Variants in GABRA4 observed in about 807,000 individuals in gnomAD.
GABRA4 encodes gamma-aminobutyric acid receptor subunit alpha-4.
In GABRA4, 12 loss-of-function variants were observed where a neutral mutation model predicts 49.7. The observed-to-expected ratio is 0.24, with a 90% CI of 0.15 to 0.39. The LOEUF is 0.39. GABRA4 is among the 10% of genes least tolerant of loss of function. GABRA4 has a pLI of 1.00. For missense variants in GABRA4, 506 were observed against 686.0 expected (o/e 0.74, Z 2.93); for synonymous variants, 288 against 240.2 (o/e 1.20, Z -1.84).
chr4:46,934,807 C>T (rs917173555), intron 8 of GABRA4, among the ~76,000 whole-genome samples: 2 of 152,102 alleles, frequency 1.3e-5, no homozygotes, highest in Admixed American at 6.6e-5. Context: ...ATGGTAGACA[C>T]ATGGCTCCAA....
intron 2 of GABRA4, among the ~76,000 whole-genome samples, chr4:46,991,603 G>C (rs114533777): frequency 5.9e-5 from 9 of 152,130 alleles, no homozygotes; most frequent in Non-Finnish European, 1.3e-4. Flanking sequence ...TCTAATATTA[G>C]ATGATACTCA....
chr4:46,973,713 G>T (rs1231892795), intron 6 of GABRA4, among the ~76,000 whole-genome samples: 1 of 151,640 alleles, frequency 6.6e-6, no homozygotes, highest in African/African-American at 2.4e-5. Context: ...AGAAAAGAGA[G>T]ACCAAGAATC....
chr4:46,984,898 A>G (rs1391879790), intron 2 of GABRA4, among the ~76,000 whole-genome samples: 1 of 152,026 alleles, frequency 6.6e-6, no homozygotes, highest in Non-Finnish European at 1.5e-5. Context: ...GTCAACTCCC[A>G]CTTACACTAA....
At chr4:46,933,328 C>A (rs1721505745) in intron 8 of GABRA4, among the ~76,000 whole-genome samples, 1 of 152,080 alleles carries the variant, frequency 6.6e-6, no homozygotes, top group Non-Finnish European at 1.5e-5. Context: ...TTTATCTGAT[C>A]TCCAATTTAT....
chr4:46,969,022 C>T (rs149586406), intron 7 of GABRA4, among the ~76,000 whole-genome samples: 104 of 151,738 alleles, frequency 6.9e-4, no homozygotes, highest in South Asian at 1.0e-3. Flanking sequence ...TCTAAATCAA[C>T]TCATTTAATC....
chr4:46,939,050 C>CAAGT (rs1286440507), intron 8 of GABRA4, among the ~76,000 whole-genome samples: 1 of 151,890 alleles, frequency 6.6e-6, no homozygotes, highest in Non-Finnish European at 1.5e-5. Flanking sequence ...ATATTAGCAA[C>CAAGT]AAGTAAGTTT....
chr4:46,993,519 G>T lies in GABRA4; in HGVS notation c.-95C>A. 1 of 1,322,556 alleles carries T rather than the reference G, an allele frequency of 7.6e-7. No homozygotes were observed. 81.9% of individuals were successfully genotyped at this position (1,322,556 alleles called of 1,614,324 possible). A position where few individuals can be genotyped will look rare whatever the true frequency, so the allele number is the denominator to read the frequency against. ...AGGAGAGGGCAGAGAGGCTCCCGCGGCGTGCGCACACTCGCGCTCACACTC... is the reference window on the plus strand; with the variant it reads ...AGGAGAGGGCAGAGAGGCTCCCGCGTCGTGCGCACACTCGCGCTCACACTC... On this transcript the variant is annotated 5_prime_UTR_variant, in exon 1 of 9. Transcript: ENST00000264318.
At chr4:46,934,614 A>G (rs1577745405) in intron 8 of GABRA4, among the ~76,000 whole-genome samples, 1 of 152,180 alleles carries the variant, frequency 6.6e-6, no homozygotes, top group Non-Finnish European at 1.5e-5. Flanking sequence ...GCACTGGGAT[A>G]AACTTTTGTT....
intron 8 of GABRA4, among the ~76,000 whole-genome samples, chr4:46,943,980 AG>A (rs969701285): frequency 6.6e-6 from 1 of 151,916 alleles, no homozygotes; most frequent in Non-Finnish European, 1.5e-5. Flanking sequence ...GGTGTGGGCC[AG>A]GGGGGAATGA....
chr4:46,947,228 T>C (rs1409743037), intron 8 of GABRA4, among the ~76,000 whole-genome samples: 2 of 152,092 alleles, frequency 1.3e-5, no homozygotes, highest in African/African-American at 4.8e-5. Flanking sequence ...ATGTTCGCTG[T>C]GAACTGATGG....
At chr4:46,932,792 G>T (rs990204680) in intron 8 of GABRA4, among the ~76,000 whole-genome samples, 2 of 151,958 alleles carry the variant, frequency 1.3e-5, no homozygotes, top group African/African-American at 4.8e-5. Flanking sequence ...TTGCCTATAC[G>T]TAGCCATTCC....
At position 46,922,561 on chromosome 4, in the gene GABRA4, T is replaced by A. The variant is rs905333430; in HGVS notation, c.*5664A>T. The A allele has an allele frequency of 1.3e-5, 2 of 151,986 alleles. No individual in the cohort carries two copies. The highest frequency in any genetic ancestry group is 2.9e-5 in the Non-Finnish European group (2 of 68,000). The allele number at this position is 151,986 out of a possible 1,614,324, so 9.4% of individuals were successfully genotyped here. On this transcript the variant is annotated 3_prime_UTR_variant, in exon 9 of 9. Transcript: ENST00000264318. ...AGTTTATATAAATAGGTCTCTGTAG[T>A]CTCAAAAAATATTATAGACATGATC...
At chr4:46,938,706 A>G (rs1721683495) in intron 8 of GABRA4, among the ~76,000 whole-genome samples, 1 of 152,068 alleles carries the variant, frequency 6.6e-6, no homozygotes. Flanking sequence ...TTTAGTGAAA[A>G]ATAGTTCAAG....
At chr4:46,982,427 G>T (rs774879157) in intron 2 of GABRA4, among the ~76,000 whole-genome samples, 1 of 151,866 alleles carries the variant, frequency 6.6e-6, no homozygotes, top group Non-Finnish European at 1.5e-5. Flanking sequence ...ATGGAGAGAA[G>T]ATGGCCATCT....
Position 46,928,208 on chromosome 4 carries a change from C to T in GABRA4, c.*17G>A. 1 of 1,581,212 alleles carries T rather than the reference C, an allele frequency of 6.3e-7. No individual in the cohort carries two copies. The highest frequency in any genetic ancestry group is 8.6e-7 in the Non-Finnish European group (1 of 1,161,736). ...TGCATTTTCATCATCTTTTAGCAAA[C>T]TACTATAGCAACGAAATTACATTAG... On this transcript the variant is annotated 3_prime_UTR_variant, in exon 9 of 9. Transcript: ENST00000264318.
Position 46,993,507 on chromosome 4 carries a change from G to C in GABRA4, c.-83C>G. The stretch of plus-strand genomic sequence containing the variant: ...GAGCAGGGTGCGAGGAGAGGGCAGA[G>C]AGGCTCCCGCGGCGTGCGCACACTC... On this transcript the variant is annotated 5_prime_UTR_variant, in exon 1 of 9. Transcript: ENST00000264318. 8.4e-6 allele frequency: 12 copies of C among 1,431,740 alleles called. No individual in the cohort carries two copies. Among genetic ancestry groups the C allele is most frequent in the Non-Finnish European group, 1.2e-5 (12 of 1,021,794 alleles). The allele number at this position is 1,431,740 out of a possible 1,614,324, so 88.7% of individuals were successfully genotyped here.
intron 8 of GABRA4, among the ~76,000 whole-genome samples, chr4:46,952,868 C>T (rs918598953): frequency 2.0e-5 from 3 of 151,812 alleles, no homozygotes; most frequent in Non-Finnish European, 4.4e-5. Flanking sequence ...TATTGAAGTA[C>T]CAGAAAAAAA....
intron 8 of GABRA4, among the ~76,000 whole-genome samples, chr4:46,944,829 C>T (rs1411676459): frequency 6.6e-6 from 1 of 152,118 alleles, no homozygotes; most frequent in African/African-American, 2.4e-5. Context: ...GCCTAGCATT[C>T]AGCACGCTTG....
intron 8 of GABRA4, among the ~76,000 whole-genome samples, chr4:46,942,322 T>C (rs12499295): frequency 0.13 from 20,337 of 152,120 alleles, 1,487 homozygotes; most frequent in South Asian, 0.25. Flanking sequence ...TCTTCGTCTG[T>C]CACTCACTTT....
Sources: allele counts gnomAD v4.1 joint callset (sites outside exome capture counted in the v4.1 genomes callset), GRCh38; gene constraint gnomAD v4.1.1; transcripts MANE v1.5; gene names NCBI Gene and HGNC (gene_info 2026-07-23, HGNC 2026-07-21).